Variants in CCL23 observed in about 807,000 individuals in gnomAD.
CCL23 encodes the protein C-C motif chemokine 23.
Under a neutral mutation model 11.8 loss-of-function variants are expected in CCL23, and 10 were observed. That is an observed-to-expected ratio of 0.84 (90% confidence interval 0.52 to 1.43). CCL23 has a LOEUF of 1.43. Ranked by LOEUF, CCL23 falls within the 40% of genes most tolerant of loss-of-function variation. CCL23 has a pLI of 0.00. For synonymous variants in CCL23, 60 were observed against 61.0 expected (o/e 0.98, Z 0.07); for missense variants, 181 against 170.9 (o/e 1.06, Z -0.33).
chr17:36,017,165 T>C (rs1045732295), intron 1 of CCL23, among the ~76,000 whole-genome samples: 4 of 152,208 alleles, frequency 2.6e-5, no homozygotes, highest in Non-Finnish European at 4.4e-5. Context: ...TTCTCATTTG[T>C]AAAATGTCAA....
At chr17:36,015,874 TA>T (rs200601937) in intron 1 of CCL23, among the ~76,000 whole-genome samples, 231 of 143,416 alleles carry the variant, frequency 1.6e-3, no homozygotes, top group Middle Eastern at 7.0e-3. Flanking sequence ...CCGTCTCTAC[TA>T]AAAAAAAAAA....
At chr17:36,016,295 G>A (rs146098616) in intron 1 of CCL23, among the ~76,000 whole-genome samples, 4 of 152,102 alleles carry the variant, frequency 2.6e-5, no homozygotes, top group African/African-American at 9.6e-5. Flanking sequence ...CATGCACCAG[G>A]TATTTGTCCT....
rs2142025319 is a variant in CCL23, at chr17:36,014,923, TA to T, written c.77-531del. ...GGGATAAGTACCATCAATATATGTT[TA>T]AGTTTTTTACTAAATCATTTTTAAA... On this transcript the variant is annotated intron_variant, in intron 1 of 3. Transcript: ENST00000615050. 1.3e-5 allele frequency among the ~76,000 whole-genome samples: 2 copies of T among 151,660 alleles called. 1 individual carries two copies. Among genetic ancestry groups the T allele is most frequent in the South Asian group, 4.2e-4 (2 of 4,802 alleles).
In CCL23 at chr17:36,014,090, A is replaced by T. The variant is rs139428167; in HGVS notation, c.137-181T>A. Among the ~76,000 whole-genome samples the T allele has an allele frequency of 5.2e-3, 793 of 152,242 alleles. 3 individuals carry two copies. Among genetic ancestry groups the T allele is most frequent in the African/African-American group, 0.018 (759 of 41,544 alleles). The stretch of plus-strand genomic sequence containing the variant: ...CTAGAAGGGGAAGGCATCTGCAGAC[A>T]CCTGCAGGCATCAGAGAGCACCTTC... On this transcript the variant is annotated intron_variant, in intron 2 of 3. Coordinates refer to ENST00000615050, the MANE Select transcript of CCL23 (RefSeq NM_005064.6).
At chr17:36,013,427 T>C (rs746361883) in intron 3 of CCL23, 119 bp from the exon 4 acceptor site, 2 of 661,046 alleles carry the variant, frequency 3.0e-6, no homozygotes, top group South Asian at 1.9e-5. Flanking sequence ...TTTTTTTCTT[T>C]TTTTTTTCAT....
chr17:36,014,213 G>A (rs1047036450), intron 2 of CCL23, 121 bp downstream of exon 2: 12 of 801,060 alleles, frequency 1.5e-5, no homozygotes, highest in African/African-American at 5.1e-5. Context: ...CCTTGGAGAT[G>A]TTCACCACCC....
At chr17:36,014,047 G>A in intron 2 of CCL23, 138 bp from the exon 3 acceptor site, 2 of 841,906 alleles carry the variant, frequency 2.4e-6, no homozygotes, top group Non-Finnish European at 3.7e-6. Flanking sequence ...GGCCAGAGCA[G>A]GACCAGGAAA....
chr17:36,013,360 G>C, intron 3 of CCL23, 52 bp from the exon 4 acceptor site: 5 of 1,207,810 alleles, frequency 4.1e-6, no homozygotes, highest in Non-Finnish European at 3.7e-6. Context: ...CCAGCACATG[G>C]GGACAGGGGG....
At chr17:36,017,160 A>G (rs2090103765) in intron 1 of CCL23, among the ~76,000 whole-genome samples, 2 of 152,138 alleles carry the variant, frequency 1.3e-5, no homozygotes, top group African/African-American at 4.8e-5. Flanking sequence ...CAGTTTTCTC[A>G]TTTGTAAAAT....
rs140430245 is a variant in CCL23, at chr17:36,017,833, C to T, written c.65G>A (p.Arg22Gln). 1.2e-5 allele frequency: 19 copies of T among 1,613,932 alleles called. No homozygotes were observed. The highest frequency in any genetic ancestry group is 4.0e-5 in the African/African-American group (3 of 74,866). ...CTCACTGGACTCACCTTTTGTGACC[C>T]GGGCCTGGGATCCAAGGGCAGTAAC... ...MLVTALGSQA[R>Q]VTKDAETEFM... Residue 22 changes from arginine to glutamine, a missense_variant, in exon 1 of 4, where the codon CGG becomes CAG. Transcript: ENST00000615050.
At chr17:36,017,043 A>G (rs1253532605) in intron 1 of CCL23, among the ~76,000 whole-genome samples, 1 of 152,056 alleles carries the variant, frequency 6.6e-6, no homozygotes, top group Non-Finnish European at 1.5e-5. Flanking sequence ...TAAAAAAAAG[A>G]TCTTAAATGG....
At chr17:36,016,933 C>T (rs1268269414) in intron 1 of CCL23, among the ~76,000 whole-genome samples, 6 of 151,828 alleles carry the variant, frequency 4.0e-5, no homozygotes, top group Non-Finnish European at 5.9e-5. Flanking sequence ...AATTGCTTTC[C>T]AGTGTTTTCA....
chr17:36,017,193 A>G (rs994264246), intron 1 of CCL23, among the ~76,000 whole-genome samples: 1 of 152,148 alleles, frequency 6.6e-6, no homozygotes, highest in African/African-American at 2.4e-5. Context: ...AATATGAAAA[A>G]CCATATAAAA....
At chr17:36,016,209 G>T (rs571670011) in intron 1 of CCL23, among the ~76,000 whole-genome samples, 1 of 151,616 alleles carries the variant, frequency 6.6e-6, no homozygotes, top group African/African-American at 2.4e-5. Context: ...TGTGCTGAAC[G>T]CGCAGGTTCA....
In CCL23 at chr17:36,017,889, G is replaced by A; in HGVS notation, c.9C>T (p.Val3=). ...TGAGGCAGGAGAGGGCAGCCACGGAGACCTTCATCCTCCTGGTGGGCAGGC... is the reference window on the plus strand; with the variant it reads ...TGAGGCAGGAGAGGGCAGCCACGGAAACCTTCATCCTCCTGGTGGGCAGGC... MK[V]SVAALSCLML... Residue 3 remains valine, a synonymous_variant, in exon 1 of 4, where the codon GTC becomes GTT. Transcript: ENST00000615050. 6.2e-7 allele frequency: 1 copy of A among 1,613,830 alleles called. No homozygotes were observed. Among genetic ancestry groups the A allele is most frequent in the Non-Finnish European group, 8.5e-7 (1 of 1,180,010 alleles).
At chr17:36,015,204 A>G (rs891946926) in intron 1 of CCL23, among the ~76,000 whole-genome samples, 5 of 152,000 alleles carry the variant, frequency 3.3e-5, no homozygotes, top group African/African-American at 1.2e-4. Flanking sequence ...ATCATACACT[A>G]TTTGTCCTTT....
In CCL23 at chr17:36,013,165, C is replaced by CT. The variant is rs771026062; in HGVS notation, c.*31dup. 2.2e-6 allele frequency: 3 copies of CT among 1,350,094 alleles called. No individual in the cohort carries two copies. The highest frequency in any genetic ancestry group is 2.1e-6 in the Non-Finnish European group (2 of 939,516). 83.6% of individuals were successfully genotyped at this position (1,350,094 alleles called of 1,614,324 possible). A position where few individuals can be genotyped will look rare whatever the true frequency, so the allele number is the denominator to read the frequency against. On this transcript the variant is annotated 3_prime_UTR_variant, in exon 4 of 4. Coordinates refer to ENST00000615050, the MANE Select transcript of CCL23 (RefSeq NM_005064.6). Reference sequence around the variant, plus strand: ...GTAGTTGAGGCAAGAAAGTTGGTGGCTGGCAACTTGTGTCCCTTCACCTTG... The same window carrying CT: ...GTAGTTGAGGCAAGAAAGTTGGTGGCTTGGCAACTTGTGTCCCTTCACCTTG...
Position 36,014,342 on chromosome 17 carries a change from A to T in CCL23, c.128T>A (p.Leu43His), listed in dbSNP as rs1396168957. Residue 43 changes from leucine to histidine, a missense_variant, in exon 2 of 4, where the codon CTT becomes CAT. Transcript: ENST00000615050. ...MSKLPLENPV[L>H]LDMLWRRKIG... ...CGTATCTGATCACTTACTGTCCAGA[A>T]GTACTGGATTTTCCAATGGAAGCTT... 2 of 1,611,812 alleles carry T rather than the reference A, an allele frequency of 1.2e-6. No individual in the cohort carries two copies. Among genetic ancestry groups the T allele is most frequent in the Non-Finnish European group, 1.7e-6 (2 of 1,177,800 alleles).
intron 1 of CCL23, among the ~76,000 whole-genome samples, chr17:36,015,029 A>G (rs2090087813): frequency 6.6e-6 from 1 of 152,186 alleles, no homozygotes; most frequent in Non-Finnish European, 1.5e-5. Context: ...AGCATCAAAT[A>G]CACTCAAATA....
Sources: allele counts gnomAD v4.1 joint callset (sites outside exome capture counted in the v4.1 genomes callset), GRCh38; gene constraint gnomAD v4.1.1; transcripts MANE v1.5; gene names NCBI Gene and HGNC (gene_info 2026-07-23, HGNC 2026-07-21).